SORCS3: variants seen among roughly 807,000 people sequenced by gnomAD.
SORCS3 encodes the protein VPS10 domain-containing receptor SorCS3.
SORCS3 carries 57 observed loss-of-function variants against 146.3 expected under a neutral mutation model. That is an observed-to-expected ratio of 0.39 (90% CI 0.31 to 0.49). SORCS3 has a LOEUF of 0.49. Among genes scored for constraint, SORCS3 ranks in the 20% least tolerant of loss-of-function variants. The pLI, the probability that SORCS3 is intolerant of heterozygous loss-of-function variation, is 0.92. For missense variants in SORCS3, 1,341 were observed against 1,575.5 expected, an observed-to-expected ratio of 0.85 and a Z score of 2.52; for synonymous variants, 653 against 618.5, an observed-to-expected ratio of 1.06 and a Z score of -0.83.
chr10:105,214,557 G>A lies in SORCS3; in HGVS notation c.2491G>A (p.Gly831Arg), dbSNP rs2056654144. 1 of 1,610,810 alleles carries A rather than the reference G, an allele frequency of 6.2e-7. No individual in the cohort carries two copies. ...GGGCCTCCATGTGGTGACGACCGAT[G>A]GGCGGCTGGTGGCAGAGCAGGGGCA... ...PRGLHVVTTDGRLVAEQGHNA... is the reference protein window; with the variant it reads ...PRGLHVVTTDRRLVAEQGHNA... The change falls in exon 18 of 27, where the codon GGG becomes AGG. Residue 831 changes from glycine (G) to arginine (R), a missense_variant. Gly to Arg is a moderately radical substitution (Grantham distance 125, BLOSUM62 -2). Coordinates refer to ENST00000369701, the MANE Select transcript of SORCS3 (RefSeq NM_014978.3).
At chr10:105,051,829 T>C (rs2055415366) in intron 5 of SORCS3, among the ~76,000 whole-genome samples, 1 of 152,158 alleles carries the variant, frequency 6.6e-6, no homozygotes, top group Admixed American at 6.5e-5. Context: ...ATTTTTAAAA[T>C]GGTACAGCAA....
intron 1 of SORCS3, among the ~76,000 whole-genome samples, chr10:104,653,224 A>G (rs1589447681): frequency 6.6e-6 from 1 of 152,326 alleles, no homozygotes; most frequent in Middle Eastern, 3.4e-3. Context: ...TTGCTTACAG[A>G]GAACTCTGTT....
chr10:105,204,039 G>A (rs767603957), intron 16 of SORCS3, among the ~76,000 whole-genome samples: 1 of 152,150 alleles, frequency 6.6e-6, no homozygotes, highest in Non-Finnish European at 1.5e-5. Flanking sequence ...TCTTTAGGGA[G>A]TGCTGTCAGA....
intron 11 of SORCS3, among the ~76,000 whole-genome samples, chr10:105,162,601 C>T (rs1011061822): frequency 3.9e-5 from 6 of 152,206 alleles, no homozygotes; most frequent in Middle Eastern, 3.2e-3. Flanking sequence ...TGATCCGTAA[C>T]ATTTTCTTTC....
intron 5 of SORCS3, among the ~76,000 whole-genome samples, chr10:105,070,097 A>G (rs1196800895): frequency 2.6e-5 from 4 of 152,356 alleles, no homozygotes; most frequent in African/African-American, 4.8e-5. Flanking sequence ...AATGGAGGAC[A>G]TAGGAACTGG....
chr10:105,216,968 C>T lies in SORCS3; in HGVS notation c.2580C>T (p.Asp860=). ...TACAAAGGACAAACATCCAGCTTGA[C>T]TTTGGGGATGGGATTGCTGTGTCCT... ...GDLQRTNIQL[D]FGDGIAVSYA... Residue 860 remains aspartate (D), a synonymous_variant, in exon 19 of 27, where the codon GAC becomes GAT. Coordinates refer to ENST00000369701, the MANE Select transcript of SORCS3 (RefSeq NM_014978.3). The T allele has an allele frequency of 6.2e-7, 1 of 1,614,182 alleles. No homozygotes were observed. The highest frequency in any genetic ancestry group is 1.1e-5 in the South Asian group (1 of 91,086).
chr10:104,816,041 A>G (rs529748365), intron 1 of SORCS3, among the ~76,000 whole-genome samples: 126 of 152,326 alleles, frequency 8.3e-4, no homozygotes, highest in African/African-American at 2.9e-3. Context: ...ATATTTCCAT[A>G]CAAATAGCTT....
At chr10:104,691,198 C>T (rs1315497500) in intron 1 of SORCS3, among the ~76,000 whole-genome samples, 1 of 152,212 alleles carries the variant, frequency 6.6e-6, no homozygotes, top group East Asian at 1.9e-4. Context: ...ATTCCATCCA[C>T]ATGGTGACAA....
At chr10:104,870,970 C>G (rs1438003486) in intron 2 of SORCS3, among the ~76,000 whole-genome samples, 1 of 152,154 alleles carries the variant, frequency 6.6e-6, no homozygotes, top group African/African-American at 2.4e-5. Flanking sequence ...TACAGCCACA[C>G]AAAGCACAGG....
chr10:105,180,730 C>A (rs1327898763), intron 14 of SORCS3, among the ~76,000 whole-genome samples: 23 of 152,084 alleles, frequency 1.5e-4, no homozygotes, highest in Non-Finnish European at 2.9e-5. Flanking sequence ...CCTGACCACC[C>A]TTTTCTGATG....
intron 20 of SORCS3, among the ~76,000 whole-genome samples, chr10:105,228,358 T>G (rs2056746477): frequency 6.6e-6 from 1 of 151,404 alleles, no homozygotes; most frequent in South Asian, 2.1e-4. Flanking sequence ...TTCTTTCCCT[T>G]TCTTTCTTTC....
At chr10:105,212,015 A>G (rs2056637158) in intron 17 of SORCS3, among the ~76,000 whole-genome samples, 4 of 152,182 alleles carry the variant, frequency 2.6e-5, no homozygotes, top group Admixed American at 2.6e-4. Flanking sequence ...TCTCTGGACC[A>G]GAGTTGTTCT....
intron 4 of SORCS3, among the ~76,000 whole-genome samples, chr10:104,986,850 A>G (rs1479388908): frequency 6.6e-6 from 1 of 152,226 alleles, no homozygotes; most frequent in Non-Finnish European, 1.5e-5. Flanking sequence ...GATAACATCA[A>G]AGAACACTGA....
rs1406519295 is a variant in SORCS3 at position 104,687,414 on chromosome 10, TC to T, written c.627+45462del. 1.2e-4 allele frequency among the ~76,000 whole-genome samples: 19 copies of T among 152,310 alleles called. No homozygotes were observed. In the East Asian group the frequency reaches 3.1e-3, roughly 25 times the overall value. Reference sequence around the variant, plus strand: ...GATACCAAATACCAGTGGCTGAGCTTCCTTTAATGATGAGCAACATCTTTAT... The same window carrying T: ...GATACCAAATACCAGTGGCTGAGCTTCTTTAATGATGAGCAACATCTTTAT... On this transcript the variant is annotated intron_variant, in intron 1 of 26. Coordinates refer to ENST00000369701, the MANE Select transcript of SORCS3 (RefSeq NM_014978.3).
intron 18 of SORCS3, 62 bp from the exon 19 acceptor site, chr10:105,216,871 GGAA>G: frequency 1.3e-6 from 2 of 1,510,812 alleles, no homozygotes; most frequent in Non-Finnish European, 1.8e-6. Context: ...AGCAACAGGA[GGAA>G]GCATCAGATA....
intron 7 of SORCS3, among the ~76,000 whole-genome samples, chr10:105,128,390 C>T (rs968090309): frequency 2.0e-5 from 3 of 152,246 alleles, no homozygotes; most frequent in Middle Eastern, 3.4e-3. Flanking sequence ...GTTGGTGAAA[C>T]TTTGCTGTTG....
intron 4 of SORCS3, among the ~76,000 whole-genome samples, chr10:105,033,162 A>G (rs753288693): frequency 1.2e-4 from 18 of 152,220 alleles, no homozygotes; most frequent in South Asian, 4.1e-4. Context: ...AATTGTGGAA[A>G]TGATTTGTAA....
chr10:104,792,232 T>G (rs77190557), intron 1 of SORCS3, among the ~76,000 whole-genome samples: 1,703 of 152,290 alleles, frequency 0.011, 37 homozygotes, highest in African/African-American at 0.039. Flanking sequence ...GACAGTTATC[T>G]GACAAACTCC....
intron 4 of SORCS3, among the ~76,000 whole-genome samples, chr10:105,004,657 G>A (rs1050897741): frequency 8.5e-5 from 13 of 152,094 alleles, no homozygotes; most frequent in African/African-American, 2.9e-4. Flanking sequence ...GAAGCCAGGT[G>A]GGCTAATGCA....
Sources: gnomAD v4.1 joint callset for allele counts (sites outside exome capture counted in the v4.1 genomes callset) on GRCh38, gnomAD v4.1.1 for gene constraint, MANE v1.5 for transcripts, NCBI Gene and HGNC (gene_info 2026-07-23, HGNC 2026-07-21) for gene names.